EXTL3: variants seen among roughly 807,000 people sequenced by gnomAD.
The protein encoded by EXTL3 is exostosin-like 3.
Under a neutral mutation model 69.3 loss-of-function variants are expected in EXTL3, and 27 were observed. The ratio of observed to expected loss-of-function variants is 0.39; its 90% confidence interval spans 0.29 to 0.54. The LOEUF (loss-of-function observed/expected upper bound fraction) is 0.54. Ranked by LOEUF, EXTL3 falls within the 20% of genes least tolerant of loss-of-function variation. The pLI is 0.69. For missense variants in EXTL3, 1,003 were observed against 1,231.8 expected, an observed-to-expected ratio of 0.81 and a Z score of 2.78; for synonymous variants, 511 against 499.4, an observed-to-expected ratio of 1.02 and a Z score of -0.31.
intron 1 of EXTL3, among the ~76,000 whole-genome samples, chr8:28,694,464 A>G (rs969284935): frequency 1.3e-5 from 2 of 152,220 alleles, no homozygotes; most frequent in East Asian, 1.9e-4. Context: ...GACAATTCAC[A>G]TCGCCATGGT....
intron 3 of EXTL3, among the ~76,000 whole-genome samples, chr8:28,723,172 G>A (rs145786838): frequency 3.9e-5 from 6 of 152,212 alleles, no homozygotes; most frequent in Admixed American, 1.3e-4. Flanking sequence ...CGAATGAGAC[G>A]ATAATTTCCT....
chr8:28,745,136 T>C (rs1348768069), intron 6 of EXTL3, among the ~76,000 whole-genome samples: 1 of 151,464 alleles, frequency 6.6e-6, no homozygotes, highest in Non-Finnish European at 1.5e-5. Context: ...AGTTCAAGGC[T>C]GAATGTGCCA....
chr8:28,728,266 C>A (rs1346403782), intron 3 of EXTL3, among the ~76,000 whole-genome samples: 1 of 152,228 alleles, frequency 6.6e-6, no homozygotes, highest in African/African-American at 2.4e-5. Flanking sequence ...AAGTCCGGCC[C>A]CTTCTTGCCA....
chr8:28,748,128 T>C (rs2299558), intron 6 of EXTL3, among the ~76,000 whole-genome samples: 18,895 of 152,154 alleles, frequency 0.12, 1,230 homozygotes, highest in South Asian at 0.16. Flanking sequence ...ATCCCAACAC[T>C]TGGGGAGGCT....
At chr8:28,685,493 G>A (rs1807562764) in intron 1 of EXTL3, among the ~76,000 whole-genome samples, 1 of 148,502 alleles carries the variant, frequency 6.7e-6, no homozygotes, top group Non-Finnish European at 1.5e-5. Context: ...CTAGTTGTTT[G>A]GCCCTGTTGT....
At chr8:28,734,750 C>T (rs577313305) in intron 4 of EXTL3, among the ~76,000 whole-genome samples, 18 of 152,154 alleles carry the variant, frequency 1.2e-4, no homozygotes, top group East Asian at 3.9e-4. Flanking sequence ...ATTTCTTTGG[C>T]GATCTTTTTC....
At chr8:28,658,904 C>T (rs572001384) in intron 1 of EXTL3, among the ~76,000 whole-genome samples, 66 of 152,286 alleles carry the variant, frequency 4.3e-4, no homozygotes, top group African/African-American at 1.4e-3. Flanking sequence ...TTTATACCTT[C>T]GAAATATTCC....
At chr8:28,645,482 C>T (rs1806813754) in intron 1 of EXTL3, among the ~76,000 whole-genome samples, 1 of 152,092 alleles carries the variant, frequency 6.6e-6, no homozygotes, top group Non-Finnish European at 1.5e-5. Context: ...AATTGGAAAA[C>T]CTGAGCTATA....
At chr8:28,647,620 G>A (rs1416809948) in intron 1 of EXTL3, among the ~76,000 whole-genome samples, 7 of 152,112 alleles carry the variant, frequency 4.6e-5, no homozygotes, top group Admixed American at 6.5e-5. Flanking sequence ...ATCCCTACAC[G>A]TTGGGAGTCT....
intron 4 of EXTL3, among the ~76,000 whole-genome samples, chr8:28,737,245 C>G (rs2130783147): frequency 6.6e-6 from 1 of 152,324 alleles, no homozygotes; most frequent in Middle Eastern, 3.4e-3. Context: ...CTGGAGATCC[C>G]CTTTCCAAAC....
intron 1 of EXTL3, among the ~76,000 whole-genome samples, chr8:28,686,752 T>C (rs1807584239): frequency 6.6e-6 from 1 of 152,204 alleles, no homozygotes; most frequent in African/African-American, 2.4e-5. Context: ...TAGGTAGATA[T>C]TGCATTCCAC....
chr8:28,725,851 AAT>A (rs1181662361), intron 3 of EXTL3, among the ~76,000 whole-genome samples: 4 of 152,154 alleles, frequency 2.6e-5, no homozygotes, highest in Non-Finnish European at 4.4e-5. Context: ...ACCTTTCCTA[AAT>A]ATGACACAGT....
rs112025308 is a variant in EXTL3, at chr8:28,748,193, A to G, written c.2551-2464A>G. On this transcript the variant is annotated intron_variant, in intron 6 of 6. Coordinates refer to ENST00000220562, the MANE Select transcript of EXTL3 (RefSeq NM_001440.4). The stretch of plus-strand genomic sequence containing the variant: ...CGAGACCATCCTGGCTAACACAGCA[A>G]AACCAATCTCTACTAAAAATACAAA... Among the ~76,000 whole-genome samples, 117 of 152,262 alleles carry G rather than the reference A, an allele frequency of 7.7e-4. No homozygotes were observed. In the South Asian group the frequency reaches 7.9e-3, roughly 10 times the overall value.
chr8:28,686,529 A>G (rs909435948), intron 1 of EXTL3, among the ~76,000 whole-genome samples: 2 of 152,140 alleles, frequency 1.3e-5, no homozygotes, highest in African/African-American at 4.8e-5. Flanking sequence ...CAAAAAGCCA[A>G]TGTTTTGGAG....
chr8:28,668,274 AAG>A (rs1554550205), intron 1 of EXTL3, among the ~76,000 whole-genome samples: 21 of 145,704 alleles, frequency 1.4e-4, no homozygotes, highest in African/African-American at 5.5e-4. Context: ...AAAAAAAAAA[AAG>A]AAAAGAAAAA....
chr8:28,748,493 G>C (rs1028281956), intron 6 of EXTL3, among the ~76,000 whole-genome samples: 3 of 152,100 alleles, frequency 2.0e-5, no homozygotes, highest in African/African-American at 4.8e-5. Context: ...CTAATAAAAA[G>C]GTAAGAGAAT....
exon 1 of EXTL3, chr8:28,622,778 G>A: frequency 6.6e-6 from 1 of 152,630 alleles, no homozygotes; most frequent in Non-Finnish European, 1.5e-5. Context: ...AGTGGCCGCC[G>A]CTGGAGACCG....
chr8:28,743,910 C>G (rs977593962), intron 6 of EXTL3: 29 of 153,124 alleles, frequency 1.9e-4, no homozygotes, highest in African/African-American at 7.0e-4. Flanking sequence ...CACATAAGTA[C>G]TATATAAATT....
intron 2 of EXTL3, among the ~76,000 whole-genome samples, chr8:28,713,845 AT>A (rs1298826091): frequency 6.9e-6 from 1 of 145,282 alleles, no homozygotes; most frequent in Non-Finnish European, 1.5e-5. Flanking sequence ...TCACACCATC[AT>A]TTCCCTCCTC....
Sources: allele counts gnomAD v4.1 joint callset (sites outside exome capture counted in the v4.1 genomes callset), GRCh38; gene constraint gnomAD v4.1.1; transcripts MANE v1.5; gene names NCBI Gene and HGNC (gene_info 2026-07-23, HGNC 2026-07-21).